The following L3MBTL3 variants were observed in gnomAD, a reference collection of about 807,000 sequenced individuals.
The protein encoded by L3MBTL3 is L3MBTL histone methyl-lysine binding protein 3.
In L3MBTL3, 27 loss-of-function variants were observed where a neutral mutation model predicts 102.3. That is an observed-to-expected ratio of 0.26 (90% CI 0.19 to 0.36). The LOEUF is 0.36. Ranked by LOEUF, L3MBTL3 falls within the 10% of genes least tolerant of loss-of-function variation. L3MBTL3 has a pLI of 1.00. For missense variants in L3MBTL3, 798 were observed against 955.3 expected (o/e 0.84, Z 2.17); for synonymous variants, 340 against 320.9 (o/e 1.06, Z -0.64).
At chr6:130,108,108 C>T (rs771227693) in intron 19 of L3MBTL3, among the ~76,000 whole-genome samples, 2 of 151,494 alleles carry the variant, frequency 1.3e-5, no homozygotes, top group Non-Finnish European at 2.9e-5. Context: ...TACTCAATAG[C>T]TCTTCACTTT....
intron 20 of L3MBTL3, among the ~76,000 whole-genome samples, chr6:130,131,154 C>A (rs184743187): frequency 6.6e-6 from 1 of 152,196 alleles, no homozygotes; most frequent in African/African-American, 2.4e-5. Context: ...GTAAAGAAGT[C>A]ATTTCTTAAC....
chr6:130,063,595 G>T (rs1431287323), intron 10 of L3MBTL3, among the ~76,000 whole-genome samples: 2 of 152,110 alleles, frequency 1.3e-5, no homozygotes, highest in Non-Finnish European at 2.9e-5. Context: ...CTTGTTTTAT[G>T]TGTGTTTCTG....
chr6:130,081,242 G>T (rs1783320496), intron 14 of L3MBTL3, among the ~76,000 whole-genome samples: 1 of 152,106 alleles, frequency 6.6e-6, no homozygotes, highest in South Asian at 2.1e-4. Context: ...TTAATGGTTT[G>T]TCCTTATGTG....
chr6:130,044,617 C>T (rs758879955), intron 3 of L3MBTL3, among the ~76,000 whole-genome samples: 1 of 152,112 alleles, frequency 6.6e-6, no homozygotes, highest in Non-Finnish European at 1.5e-5. Flanking sequence ...GACTTTCAGA[C>T]CCATCTAATT....
chr6:130,046,125 A>G (rs1362853425), intron 3 of L3MBTL3, among the ~76,000 whole-genome samples: 2 of 152,174 alleles, frequency 1.3e-5, no homozygotes, highest in African/African-American at 4.8e-5. Flanking sequence ...AAATTTACAG[A>G]GAATTATTCC....
Position 130,092,784 on chromosome 6 carries a change from A to G in L3MBTL3, c.1558A>G (p.Ile520Val), listed in dbSNP as rs143764737. The stretch of plus-strand genomic sequence containing the variant: ...CTGGAACAATTGCTATGATTACTGG[A>G]TAGATGCAGATTCTCCTGATATTCA... ...DGWNNCYDYW[I>V]DADSPDIHPV... is the part of the protein sequence containing the mutation. Residue 520 changes from isoleucine to valine, a missense_variant, in exon 17 of 23, where the codon ATA (isoleucine) becomes GTA (valine). Physicochemically the swap from Ile to Val is conservative, Grantham distance 29. Around this residue, in one of 4 missense-constraint regions of L3MBTL3, gnomAD observed 306 missense variants for 314.4 expected, o/e 0.97. Transcript: ENST00000361794. The G allele has an allele frequency of 4.8e-5, 77 of 1,613,188 alleles. No individual in the cohort carries two copies. Among genetic ancestry groups the G allele is most frequent in the Non-Finnish European group, 5.8e-5 (68 of 1,179,382 alleles).
intron 22 of L3MBTL3, among the ~76,000 whole-genome samples, chr6:130,135,332 G>T (rs1787529525): frequency 6.6e-6 from 1 of 152,066 alleles, no homozygotes; most frequent in African/African-American, 2.4e-5. Flanking sequence ...CCAAAGTGCT[G>T]AGATTACAGA....
At position 130,104,571 on chromosome 6, in the gene L3MBTL3, A is replaced by G. The variant is rs1223525991; in HGVS notation, c.1882A>G (p.Ile628Val). 1 of 1,561,814 alleles carries G rather than the reference A, an allele frequency of 6.4e-7. No homozygotes were observed. Among genetic ancestry groups the G allele is most frequent in the East Asian group, 2.3e-5 (1 of 43,260 alleles). The part of the protein sequence containing the change: ...DANESSSSPE[I>V]RDQHADDVKE... The stretch of plus-strand genomic sequence containing the variant: ...AAATGAAAGCTCTTCTTCCCCTGAA[A>G]TCAGGTAATCAAAGAGCTAATATTA... The change falls in exon 19 of 23, where the codon ATC becomes GTC. Residue 628 changes from isoleucine to valine, a missense_variant. Around this residue, in one of 4 missense-constraint regions of L3MBTL3, gnomAD observed 306 missense variants for 314.4 expected, o/e 0.97. Coordinates refer to ENST00000361794, the MANE Select transcript of L3MBTL3 (RefSeq NM_032438.4).
At chr6:130,097,837 G>A (rs1204727737) in intron 18 of L3MBTL3, among the ~76,000 whole-genome samples, 3 of 152,146 alleles carry the variant, frequency 2.0e-5, no homozygotes, top group Admixed American at 6.5e-5. Flanking sequence ...GGAGGCCAAG[G>A]CAGGCAAATC....
At chr6:130,091,657 C>T (rs777427331) in intron 16 of L3MBTL3, among the ~76,000 whole-genome samples, 14 of 151,880 alleles carry the variant, frequency 9.2e-5, no homozygotes, top group South Asian at 2.1e-4. Context: ...ATATACACAA[C>T]GGGATATTAT....
At chr6:130,045,580 C>G (rs1459550851) in intron 3 of L3MBTL3, among the ~76,000 whole-genome samples, 2 of 152,072 alleles carry the variant, frequency 1.3e-5, no homozygotes, top group Non-Finnish European at 2.9e-5. Flanking sequence ...GTCTCAAAAC[C>G]AGGCTTTTCT....
chr6:130,083,595 T>C (rs1384636779), intron 14 of L3MBTL3, 25 bp from the exon 15 acceptor site: 3 of 1,153,556 alleles, frequency 2.6e-6, no homozygotes, highest in Non-Finnish European at 3.7e-6. Context: ...TTAAACCTCA[T>C]AGGATTTACA....
At chr6:130,050,246 A>G (rs1781010176) in intron 5 of L3MBTL3, among the ~76,000 whole-genome samples, 1 of 152,214 alleles carries the variant, frequency 6.6e-6, no homozygotes, top group Non-Finnish European at 1.5e-5. Context: ...TTTTTAGCAG[A>G]ACATACAAAG....
chr6:130,130,610 A>G (rs1786942969), intron 20 of L3MBTL3, among the ~76,000 whole-genome samples: 1 of 152,252 alleles, frequency 6.6e-6, no homozygotes, highest in Admixed American at 6.5e-5. Flanking sequence ...TCAAAAAGAA[A>G]AAGAGAATAA....
intron 20 of L3MBTL3, among the ~76,000 whole-genome samples, chr6:130,132,746 C>T (rs926972056): frequency 6.6e-6 from 1 of 151,022 alleles, no homozygotes; most frequent in Non-Finnish European, 1.5e-5. Flanking sequence ...GAAGCTCTAA[C>T]ATAAATAGAA....
chr6:130,114,310 C>T (rs574757260), intron 19 of L3MBTL3, among the ~76,000 whole-genome samples: 3 of 152,238 alleles, frequency 2.0e-5, no homozygotes, highest in Non-Finnish European at 4.4e-5. Flanking sequence ...GTTGTTGGAA[C>T]AATATTGTAA....
At chr6:130,034,414 T>C (rs1287014304) in intron 2 of L3MBTL3, among the ~76,000 whole-genome samples, 1 of 152,250 alleles carries the variant, frequency 6.6e-6, no homozygotes, top group East Asian at 1.9e-4. Context: ...ATGACTGATT[T>C]TTTTACTGTC....
chr6:130,020,470 C>T (rs1778924639), intron 1 of L3MBTL3: 1 of 152,230 alleles, frequency 6.6e-6, no homozygotes, highest in South Asian at 2.1e-4. Context: ...CGATTCCCCC[C>T]TCCCCCAGTC....
chr6:130,072,221 G>A (rs930471770), intron 13 of L3MBTL3, among the ~76,000 whole-genome samples: 4 of 151,874 alleles, frequency 2.6e-5, no homozygotes, highest in African/African-American at 4.8e-5. Context: ...GTATAACTAC[G>A]TAAATAATTG....
Sources: allele counts gnomAD v4.1 joint callset (sites outside exome capture counted in the v4.1 genomes callset), GRCh38; gene constraint gnomAD v4.1.1; regional missense constraint gnomAD v4.1.1; transcripts MANE v1.5; gene names NCBI Gene and HGNC (gene_info 2026-07-23, HGNC 2026-07-21).